IFTAP: variants seen among roughly 807,000 people sequenced by gnomAD.
IFTAP encodes intraflagellar transport-associated protein.
A neutral mutation model predicts 19.4 loss-of-function variants in IFTAP; 19 were observed. The observed-to-expected ratio is 0.98, with a 90% CI of 0.68 to 1.44. The LOEUF is 1.44. Among genes scored for constraint, IFTAP ranks in the 40% most tolerant of loss-of-function variants. IFTAP has a pLI of 0.00. For synonymous variants in IFTAP, 85 were observed against 83.5 expected (o/e 1.02, Z -0.10); for missense variants, 240 against 253.6 (o/e 0.95, Z 0.36).
intron 2 of IFTAP, among the ~76,000 whole-genome samples, chr11:36,624,099 T>A (rs1852415644): frequency 6.6e-6 from 1 of 152,134 alleles, no homozygotes; most frequent in Non-Finnish European, 1.5e-5. Context: ...GATTAGAAAC[T>A]TCGTTGGAAG....
At chr11:36,596,318 GA>G (rs1417109280) in intron 1 of IFTAP, among the ~76,000 whole-genome samples, 2 of 150,722 alleles carry the variant, frequency 1.3e-5, no homozygotes, top group African/African-American at 2.5e-5. Context: ...CTACTTGGGA[GA>G]CTCGTAAGGG....
intron 5 of IFTAP, among the ~76,000 whole-genome samples, chr11:36,657,137 T>C (rs1271375338): frequency 6.6e-6 from 1 of 152,160 alleles, no homozygotes; most frequent in African/African-American, 2.4e-5. Context: ...AATATATTGG[T>C]GGAAACAGGT....
At chr11:36,649,825 T>C (rs2133523149) in intron 5 of IFTAP, among the ~76,000 whole-genome samples, 1 of 152,284 alleles carries the variant, frequency 6.6e-6, no homozygotes, top group Non-Finnish European at 1.5e-5. Flanking sequence ...TGGGAATTTT[T>C]ATTTCTAATT....
chr11:36,607,395 A>G (rs1851731420), intron 1 of IFTAP, among the ~76,000 whole-genome samples: 1 of 152,166 alleles, frequency 6.6e-6, no homozygotes, highest in South Asian at 2.1e-4. Flanking sequence ...TGGAGTTTAG[A>G]AAGGTAATCA....
intron 4 of IFTAP, among the ~76,000 whole-genome samples, chr11:36,639,588 C>T (rs932693742): frequency 6.6e-6 from 1 of 152,096 alleles, no homozygotes; most frequent in Non-Finnish European, 1.5e-5. Flanking sequence ...AACTGCATGA[C>T]GAGAGAGGAA....
intron 2 of IFTAP, among the ~76,000 whole-genome samples, chr11:36,628,018 T>TTG (rs1188451592): frequency 4.6e-5 from 7 of 150,802 alleles, no homozygotes; most frequent in African/African-American, 1.5e-4. Context: ...TCTTTTTTTT[T>TTG]TTTTCTAAAT....
chr11:36,601,708 C>A (rs955815141), intron 1 of IFTAP, among the ~76,000 whole-genome samples: 6 of 151,938 alleles, frequency 3.9e-5, no homozygotes, highest in African/African-American at 1.2e-4. Flanking sequence ...GGCTGGAGTG[C>A]AGTGGCATAA....
Position 36,632,591 on chromosome 11 carries a change from G to A in IFTAP, c.137-693G>A, listed in dbSNP as rs7937645. On this transcript the variant is annotated intron_variant, in intron 2 of 5. Transcript: ENST00000334307. ...CTTTCCTCAGCCTAAGTAGATAATC[G>A]TGAATGTACATGGATTTAGTACAAA... 1.8e-4 allele frequency among the ~76,000 whole-genome samples: 27 copies of A among 151,348 alleles called. 2 individuals are homozygous for A. Among genetic ancestry groups the A allele is most frequent in the African/African-American group, 5.9e-4 (24 of 40,724 alleles).
At chr11:36,600,003 A>G (rs1851446410) in intron 1 of IFTAP, among the ~76,000 whole-genome samples, 2 of 152,246 alleles carry the variant, frequency 1.3e-5, no homozygotes, top group Admixed American at 6.5e-5. Flanking sequence ...AATTTTTAGC[A>G]TAACAATTAG....
At chr11:36,629,812 A>G (rs1021108231) in intron 2 of IFTAP, among the ~76,000 whole-genome samples, 2 of 151,156 alleles carry the variant, frequency 1.3e-5, no homozygotes, top group Non-Finnish European at 2.9e-5. Context: ...GGAAATTGAA[A>G]TTCCATTGCT....
chr11:36,636,631 A>C (rs566477196), intron 4 of IFTAP, among the ~76,000 whole-genome samples: 1 of 152,368 alleles, frequency 6.6e-6, no homozygotes, highest in South Asian at 2.1e-4. Flanking sequence ...TGCAAAGCCT[A>C]GGCTGAAAAT....
At chr11:36,624,052 G>A (rs1852411969) in intron 2 of IFTAP, among the ~76,000 whole-genome samples, 2 of 151,928 alleles carry the variant, frequency 1.3e-5, no homozygotes, top group African/African-American at 2.4e-5. Flanking sequence ...ACTTTAAAAA[G>A]GAAGAAGATG....
intron 1 of IFTAP, among the ~76,000 whole-genome samples, chr11:36,607,764 C>T (rs1461780001): frequency 6.6e-6 from 1 of 152,066 alleles, no homozygotes; most frequent in African/African-American, 2.4e-5. Context: ...ACCTCTGCCT[C>T]CCAGGTTCAA....
At chr11:36,633,105 C>G (rs1282815306) in intron 2 of IFTAP, among the ~76,000 whole-genome samples, 179 bp from the exon 3 acceptor site, 1 of 151,240 alleles carries the variant, frequency 6.6e-6, no homozygotes, top group African/African-American at 2.5e-5. Flanking sequence ...TGTTATCTTT[C>G]TATCCAGTTT....
intron 1 of IFTAP, among the ~76,000 whole-genome samples, chr11:36,604,740 G>C (rs945434460): frequency 1.3e-5 from 2 of 151,862 alleles, no homozygotes; most frequent in African/African-American, 4.8e-5. Flanking sequence ...TATGATGAGA[G>C]AACCACCCAT....
At chr11:36,594,858 C>T (rs1851142508) in intron 1 of IFTAP, 1 of 152,498 alleles carries the variant, frequency 6.6e-6, no homozygotes. Flanking sequence ...TTACGGTGTC[C>T]TGCCTGTCTG....
At position 36,649,273 on chromosome 11, in the gene IFTAP, G is replaced by A. The variant is rs545339961; in HGVS notation, c.498+1118G>A. On this transcript the variant is annotated intron_variant, in intron 5 of 5. Transcript: ENST00000334307. The stretch of plus-strand genomic sequence containing the variant: ...ACTTTTGTTCACTGACATCATGAAA[G>A]TATATCCAGGATGCGTGCAGGCTTA... Among the ~76,000 whole-genome samples, 325 of 152,224 alleles carry A rather than the reference G, an allele frequency of 2.1e-3. 1 individual carries two copies. Among genetic ancestry groups the A allele is most frequent in the Non-Finnish European group, 3.6e-3 (244 of 68,006 alleles).
intron 2 of IFTAP, among the ~76,000 whole-genome samples, chr11:36,619,019 C>T (rs1291307057): frequency 6.6e-6 from 1 of 151,916 alleles, no homozygotes; most frequent in Non-Finnish European, 1.5e-5. Context: ...AAGAAAGAGT[C>T]AAGGAAGAGT....
rs142999698 is a variant in IFTAP, at chr11:36,601,504, G to T, written c.-24+6912G>T. ...ATTTCATGATCTCTGATTTAAGGTGGATTCTTTTCTTGAAAACAAAATAGA... is the reference window on the plus strand; with the variant it reads ...ATTTCATGATCTCTGATTTAAGGTGTATTCTTTTCTTGAAAACAAAATAGA... On this transcript the variant is annotated intron_variant, in intron 1 of 5. Transcript: ENST00000334307. Among the ~76,000 whole-genome samples, 1,062 of 152,270 alleles carry T rather than the reference G, an allele frequency of 7.0e-3. 10 individuals carry two copies. The highest frequency in any genetic ancestry group is 0.024 in the African/African-American group (1,004 of 41,544).
Sources: allele counts gnomAD v4.1 joint callset (sites outside exome capture counted in the v4.1 genomes callset), GRCh38; gene constraint gnomAD v4.1.1; transcripts MANE v1.5; gene names NCBI Gene and HGNC (gene_info 2026-07-23, HGNC 2026-07-21).